The following LINGO2 variants were observed in gnomAD, a reference collection of about 807,000 sequenced individuals.
LINGO2 encodes leucine rich repeat and Ig domain containing 2.
A neutral mutation model predicts 30.6 loss-of-function variants in LINGO2; 14 were observed. That is an observed-to-expected ratio of 0.46 (90% CI 0.30 to 0.72). LINGO2 has a LOEUF of 0.72. LINGO2 is among the 30% of genes least tolerant of loss of function. LINGO2 has a pLI of 0.07. For synonymous variants in LINGO2, 317 were observed against 288.5 expected, an observed-to-expected ratio of 1.10 and a Z score of -1.00; for missense variants, 729 against 751.7, an observed-to-expected ratio of 0.97 and a Z score of 0.35.
the LINGO2 span, among the ~76,000 whole-genome samples, chr9:28,983,879 G>T: frequency 6.6e-6 from 1 of 151,914 alleles, no homozygotes; most frequent in Admixed American, 6.6e-5. Flanking sequence ...TAAAAAGATA[G>T]CACCATACAC....
the LINGO2 span, among the ~76,000 whole-genome samples, chr9:29,090,139 T>C: frequency 1.3e-5 from 2 of 152,066 alleles, no homozygotes; most frequent in South Asian, 2.1e-4. Context: ...TTGTGATTGA[T>C]ATATAGAGAG....
chr9:29,079,157 C>T, the LINGO2 span, among the ~76,000 whole-genome samples: 1 of 151,012 alleles, frequency 6.6e-6, no homozygotes, highest in Non-Finnish European at 1.5e-5. Context: ...AAAAAAAATG[C>T]TACGGTAGAT....
At chr9:28,980,241 C>G in the LINGO2 span, among the ~76,000 whole-genome samples, 3 of 152,074 alleles carry the variant, frequency 2.0e-5, no homozygotes, top group African/African-American at 4.8e-5. Context: ...ACATAGGGCC[C>G]AGCCAACATC....
chr9:29,141,685 G>T, the LINGO2 span, among the ~76,000 whole-genome samples: 1 of 151,694 alleles, frequency 6.6e-6, no homozygotes, highest in South Asian at 2.1e-4. Flanking sequence ...ACACACATAG[G>T]CTAAAAGCAA....
the LINGO2 span, among the ~76,000 whole-genome samples, chr9:29,010,692 A>AT: frequency 1.2e-4 from 18 of 152,020 alleles, no homozygotes; most frequent in Non-Finnish European, 2.5e-4. Context: ...GAATTAGATA[A>AT]TTTTTTCTTG....
At chr9:29,102,099 C>T in the LINGO2 span, among the ~76,000 whole-genome samples, 46 of 138,294 alleles carry the variant, frequency 3.3e-4, no homozygotes, top group Non-Finnish European at 4.4e-4. Flanking sequence ...TTTTTTTTTT[C>T]GAGACCCAGT....
At chr9:28,514,541 T>A (rs751375791) in intron 1 of LINGO2, among the ~76,000 whole-genome samples, 4 of 152,180 alleles carry the variant, frequency 2.6e-5, no homozygotes, top group Non-Finnish European at 5.9e-5. Context: ...GCTACAACAT[T>A]CTCTAAGCCA....
chr9:29,048,888 C>G, the LINGO2 span, among the ~76,000 whole-genome samples: 1 of 152,088 alleles, frequency 6.6e-6, no homozygotes, highest in East Asian at 1.9e-4. Context: ...AGAAAAATCT[C>G]CAACACATTG....
At chr9:29,036,753 C>T in the LINGO2 span, among the ~76,000 whole-genome samples, 1 of 151,898 alleles carries the variant, frequency 6.6e-6, no homozygotes, top group African/African-American at 2.4e-5. Flanking sequence ...CTACAGAAAG[C>T]TTCAGAGACA....
intron 5 of LINGO2, among the ~76,000 whole-genome samples, chr9:27,999,055 G>A (rs1345061622): frequency 3.9e-5 from 6 of 152,054 alleles, no homozygotes; most frequent in African/African-American, 1.4e-4. Context: ...GCACCTAGGA[G>A]TGAAGAATCA....
At chr9:29,045,873 T>C in the LINGO2 span, among the ~76,000 whole-genome samples, 1 of 152,208 alleles carries the variant, frequency 6.6e-6, no homozygotes, top group African/African-American at 2.4e-5. Flanking sequence ...TGGTTGGCTA[T>C]ATTCTTAGGT....
chr9:28,753,949 T>C, the LINGO2 span, among the ~76,000 whole-genome samples: 3 of 151,910 alleles, frequency 2.0e-5, no homozygotes, highest in South Asian at 4.1e-4. Flanking sequence ...TTTCTAACTT[T>C]TGCATGAATT....
chr9:28,411,373 T>C (rs1211201941), intron 2 of LINGO2, among the ~76,000 whole-genome samples: 1 of 152,132 alleles, frequency 6.6e-6, no homozygotes, highest in Non-Finnish European at 1.5e-5. Flanking sequence ...TACAATATAC[T>C]ATCTTAACCA....
At chr9:29,122,935 A>G in the LINGO2 span, among the ~76,000 whole-genome samples, 176 of 152,282 alleles carry the variant, frequency 1.2e-3, 1 homozygote, top group Non-Finnish European at 2.1e-3. Flanking sequence ...TTAAAGATAC[A>G]TACAAATCAC....
At chr9:28,039,287 C>G (rs1009728453) in intron 4 of LINGO2, among the ~76,000 whole-genome samples, 1 of 152,072 alleles carries the variant, frequency 6.6e-6, no homozygotes, top group Non-Finnish European at 1.5e-5. Context: ...AGGAAAAGGC[C>G]AATACACTTG....
intron 5 of LINGO2, among the ~76,000 whole-genome samples, chr9:27,965,706 T>C (rs1820069035): frequency 6.6e-6 from 1 of 152,152 alleles, no homozygotes; most frequent in Non-Finnish European, 1.5e-5. Flanking sequence ...CTGAATCTCC[T>C]TTTGGCCTAC....
chr9:28,861,014 T>G, the LINGO2 span, among the ~76,000 whole-genome samples: 2 of 127,058 alleles, frequency 1.6e-5, no homozygotes, highest in Non-Finnish European at 3.2e-5. Flanking sequence ...ATATATAATA[T>G]AATATATTAT....
At chr9:28,192,608 G>T (rs1178441365) in intron 4 of LINGO2, among the ~76,000 whole-genome samples, 2 of 152,054 alleles carry the variant, frequency 1.3e-5, no homozygotes, top group African/African-American at 4.8e-5. Flanking sequence ...TCTTCATTGT[G>T]TAGACAACTT....
intron 4 of LINGO2, among the ~76,000 whole-genome samples, chr9:28,037,154 A>G (rs1563932593): frequency 6.6e-6 from 1 of 152,196 alleles, no homozygotes; most frequent in Non-Finnish European, 1.5e-5. Context: ...GGGTGGAATA[A>G]AATAACCACA....
Sources: gnomAD v4.1 joint callset for allele counts (sites outside exome capture counted in the v4.1 genomes callset) on GRCh38, gnomAD v4.1.1 for gene constraint, MANE v1.5 for transcripts, NCBI Gene and HGNC (gene_info 2026-07-23, HGNC 2026-07-21) for gene names.